The following DPYD variants were observed in gnomAD, a reference collection of about 807,000 sequenced individuals.
DPYD encodes the protein dihydropyrimidine dehydrogenase.
DPYD carries 109 observed loss-of-function variants against 116.2 expected under a neutral mutation model. That is an observed-to-expected ratio of 0.94 (90% CI 0.80 to 1.10). The LOEUF (loss-of-function observed/expected upper bound fraction) is 1.10. Ranked by LOEUF, DPYD falls within the 50% of genes least tolerant of loss-of-function variation. The pLI, the probability that DPYD is intolerant of heterozygous loss-of-function variation, is 0.00. For synonymous variants in DPYD, 440 were observed against 432.0 expected (o/e 1.02, Z -0.23); for missense variants, 1,302 against 1,254.5 (o/e 1.04, Z -0.57).
At position 97,203,672 on chromosome 1, in the gene DPYD, C is replaced by CCG. The variant is rs1243857205; in HGVS notation, c.2443-10425_2443-10424insCG. Among the ~76,000 whole-genome samples the CCG allele has an allele frequency of 1.0e-4, 6 of 57,950 alleles. 1 individual carries two copies. The East Asian group carries it at 5.9e-3, about 57-fold the overall frequency. 38.0% of individuals were successfully genotyped at this position (57,950 alleles called of 152,430 possible). On this transcript the variant is annotated intron_variant, in intron 19 of 22. Transcript: ENST00000370192. ...AAAGGATGAGTTCAGACCCCCCCCC[C>CCG]CCAAAAAAAAAAAAAGAGAAAAAGT...
intron 2 of DPYD, among the ~76,000 whole-genome samples, chr1:97,876,428 C>A (rs368679749): frequency 3.3e-5 from 5 of 152,060 alleles, no homozygotes; most frequent in East Asian, 3.9e-4. Flanking sequence ...TTTAGGATCA[C>A]GCAAGTAATG....
chr1:97,696,921 T>C (rs550762542), intron 6 of DPYD, among the ~76,000 whole-genome samples: 2 of 152,156 alleles, frequency 1.3e-5, no homozygotes, highest in Non-Finnish European at 2.9e-5. Flanking sequence ...ATAGGCCTAA[T>C]GAAAACAATA....
chr1:97,527,595 A>T (rs1372883881), intron 12 of DPYD, among the ~76,000 whole-genome samples: 1 of 152,076 alleles, frequency 6.6e-6, no homozygotes, highest in Non-Finnish European at 1.5e-5. Flanking sequence ...ATACAGTCAA[A>T]CTATAATAAC....
At chr1:97,372,363 C>A (rs1024983125) in intron 16 of DPYD, among the ~76,000 whole-genome samples, 5 of 152,120 alleles carry the variant, frequency 3.3e-5, no homozygotes, top group African/African-American at 1.2e-4. Context: ...AATCACATTA[C>A]TTAAATGCTA....
Position 97,844,705 on chromosome 1 carries a change from C to T in DPYD, c.151-16509G>A, listed in dbSNP as rs1670205916. Among the ~76,000 whole-genome samples the T allele has an allele frequency of 3.3e-5, 5 of 152,172 alleles. No homozygotes were observed. In the South Asian group the frequency reaches 1.0e-3, roughly 32 times the overall value. On this transcript the variant is annotated intron_variant, in intron 2 of 22. Coordinates refer to ENST00000370192, the MANE Select transcript of DPYD (RefSeq NM_000110.4). ...GCCAGGTACAGGTGGGAGCCCCACACACTTCTGAGTTGGCAGGGTGGGAGC... is the reference window on the plus strand; with the variant it reads ...GCCAGGTACAGGTGGGAGCCCCACATACTTCTGAGTTGGCAGGGTGGGAGC...
At chr1:97,210,476 G>A (rs1386169119) in intron 19 of DPYD, among the ~76,000 whole-genome samples, 2 of 152,010 alleles carry the variant, frequency 1.3e-5, no homozygotes, top group Admixed American at 6.6e-5. Context: ...TTCATTGGTC[G>A]AGACTTACAG....
In DPYD at chr1:97,433,844, CAAT is replaced by C. The variant is rs1675314316; in HGVS notation, c.1905+16212_1905+16214del. Among the ~76,000 whole-genome samples, 6 of 152,136 alleles carry C rather than the reference CAAT, an allele frequency of 3.9e-5. No homozygotes were observed. The South Asian group carries it at 1.2e-3, about 32-fold the overall frequency. On this transcript the variant is annotated intron_variant, in intron 14 of 22. Coordinates refer to ENST00000370192, the MANE Select transcript of DPYD (RefSeq NM_000110.4). ...TGAGGAATAATTATAGTCGAGGTAACAATAATAATTACTGTTATATGGTGTTAT... is the reference window on the plus strand; with the variant it reads ...TGAGGAATAATTATAGTCGAGGTAACAATAATTACTGTTATATGGTGTTAT...
intron 3 of DPYD, among the ~76,000 whole-genome samples, chr1:97,826,974 A>C (rs1669270503): frequency 6.6e-6 from 1 of 152,046 alleles, no homozygotes; most frequent in Non-Finnish European, 1.5e-5. Context: ...TTTGTGTAGA[A>C]GCTACTGTTT....
intron 14 of DPYD, among the ~76,000 whole-genome samples, chr1:97,395,028 C>T (rs866756651): frequency 1.3e-5 from 2 of 151,918 alleles, no homozygotes; most frequent in South Asian, 2.1e-4. Context: ...CTAGTAAATT[C>T]GTGCTTCTCA....
At chr1:97,434,661 G>A (rs1052097094) in intron 14 of DPYD, among the ~76,000 whole-genome samples, 3 of 151,964 alleles carry the variant, frequency 2.0e-5, no homozygotes, top group African/African-American at 7.3e-5. Context: ...TGAAAATCCA[G>A]GTGAAAAGGA....
chr1:97,545,918 T>C, intron 12 of DPYD: 2 of 1,082,784 alleles, frequency 1.8e-6, no homozygotes, highest in Non-Finnish European at 2.9e-6. Flanking sequence ...CAGGATTTGG[T>C]GAGTTTAAAG....
chr1:97,316,211 T>C (rs1667818441), intron 16 of DPYD, among the ~76,000 whole-genome samples: 1 of 151,818 alleles, frequency 6.6e-6, no homozygotes, highest in African/African-American at 2.4e-5. Context: ...ACTGAGAGGC[T>C]GGGCACATTG....
chr1:97,158,468 AC>A (rs532928109), intron 20 of DPYD, among the ~76,000 whole-genome samples: 1,987 of 73,802 alleles, frequency 0.027, 27 homozygotes, highest in Admixed American at 0.042. Flanking sequence ...CAGATAACTC[AC>A]CAGACACACA....
intron 8 of DPYD, among the ~76,000 whole-genome samples, chr1:97,610,264 T>C (rs1045824123): frequency 6.6e-6 from 1 of 151,920 alleles, no homozygotes; most frequent in African/African-American, 2.4e-5. Flanking sequence ...AGATAACCCC[T>C]GGAATCAATA....
chr1:97,271,644 C>G (rs897222222), intron 18 of DPYD, among the ~76,000 whole-genome samples: 1 of 152,166 alleles, frequency 6.6e-6, no homozygotes, highest in African/African-American at 2.4e-5. Flanking sequence ...GCATGTTTTG[C>G]TAATGCAGAT....
At chr1:97,161,409 C>T (rs1655887244) in intron 20 of DPYD, among the ~76,000 whole-genome samples, 1 of 151,858 alleles carries the variant, frequency 6.6e-6, no homozygotes, top group African/African-American at 2.4e-5. Context: ...ACATTAGGAC[C>T]CTTTATAAAG....
intron 8 of DPYD, among the ~76,000 whole-genome samples, chr1:97,602,836 T>G (rs1052933437): frequency 6.6e-6 from 1 of 151,932 alleles, no homozygotes; most frequent in African/African-American, 2.4e-5. Flanking sequence ...ATATTGCAAT[T>G]TGCTTATAAT....
chr1:97,283,170 ATACT>A (rs1449103713), intron 18 of DPYD, among the ~76,000 whole-genome samples: 1 of 152,174 alleles, frequency 6.6e-6, no homozygotes, highest in Non-Finnish European at 1.5e-5. Context: ...AGAAAAGTTA[ATACT>A]TAGACTTTTT....
At chr1:97,714,915 C>G (rs1431905808) in intron 5 of DPYD, among the ~76,000 whole-genome samples, 1 of 152,064 alleles carries the variant, frequency 6.6e-6, no homozygotes, top group East Asian at 1.9e-4. Context: ...AAAATTAAAC[C>G]ACTAGCTTTG....
Sources: gnomAD v4.1 joint callset for allele counts (sites outside exome capture counted in the v4.1 genomes callset) on GRCh38, gnomAD v4.1.1 for gene constraint, MANE v1.5 for transcripts, NCBI Gene and HGNC (gene_info 2026-07-23, HGNC 2026-07-21) for gene names.